Variants in RFX4 observed in about 807,000 individuals in gnomAD.
The protein encoded by RFX4 is regulatory factor X4, also known as transcription factor RFX4.
In RFX4, 10 loss-of-function variants were observed where a neutral mutation model predicts 95.0. The observed-to-expected ratio is 0.11, with a 90% CI of 0.06 to 0.18. The LOEUF (loss-of-function observed/expected upper bound fraction) is 0.18. RFX4 is among the 10% of genes least tolerant of loss of function. The pLI is 1.00. For synonymous variants in RFX4, 321 were observed against 340.7 expected, an observed-to-expected ratio of 0.94 and a Z score of 0.64; for missense variants, 640 against 922.0, an observed-to-expected ratio of 0.69 and a Z score of 3.96.
chr12:106,752,740 CT>C (rs2043033069), intron 17 of RFX4, among the ~76,000 whole-genome samples: 1 of 152,168 alleles, frequency 6.6e-6, no homozygotes, highest in Non-Finnish European at 1.5e-5. Context: ...CTCTCAGGCC[CT>C]ACATCTCCTT....
chr12:106,654,393 A>C, intron 4 of RFX4, 42 bp downstream of exon 4: 1 of 1,579,702 alleles, frequency 6.3e-7, no homozygotes, highest in Admixed American at 1.9e-5. Context: ...TACCACCCCA[A>C]CTTTAAGTAA....
At chr12:106,698,647 T>C (rs137985255) in intron 8 of RFX4, among the ~76,000 whole-genome samples, 2 of 152,238 alleles carry the variant, frequency 1.3e-5, no homozygotes, top group East Asian at 1.9e-4. Context: ...CTTATTTAGA[T>C]ATCAGAGGAA....
At chr12:106,641,985 ATAT>A (rs2137286993) in intron 3 of RFX4, among the ~76,000 whole-genome samples, 2 of 142,504 alleles carry the variant, frequency 1.4e-5, no homozygotes, top group South Asian at 4.4e-4. Context: ...ATCTATATCT[ATAT>A]CTATATCTAT....
intron 15 of RFX4, among the ~76,000 whole-genome samples, chr12:106,739,805 G>T (rs1283027915): frequency 6.6e-6 from 1 of 152,138 alleles, no homozygotes; most frequent in Admixed American, 6.5e-5. Context: ...TTGTAGGCTT[G>T]CTACGCTCCC....
intron 1 of RFX4, among the ~76,000 whole-genome samples, chr12:106,587,714 G>C (rs920646609): frequency 6.6e-6 from 1 of 152,220 alleles, no homozygotes; most frequent in South Asian, 2.1e-4. Context: ...CAACGTGAAA[G>C]GTTCTGGCTT....
chr12:106,660,567 T>C (rs1432635152), intron 4 of RFX4, among the ~76,000 whole-genome samples: 1 of 152,100 alleles, frequency 6.6e-6, no homozygotes, highest in African/African-American at 2.4e-5. Context: ...AAAGAACAAC[T>C]GAGCCTCAGA....
chr12:106,696,126 G>A (rs977766521), intron 7 of RFX4, among the ~76,000 whole-genome samples, 157 bp from the exon 8 acceptor site: 3 of 152,214 alleles, frequency 2.0e-5, no homozygotes, highest in African/African-American at 7.2e-5. Context: ...GAAACTCCCA[G>A]GGCCTCCTAC....
intron 4 of RFX4, among the ~76,000 whole-genome samples, chr12:106,658,207 TTC>T (rs1276320009): frequency 1.3e-5 from 2 of 152,204 alleles, no homozygotes; most frequent in Non-Finnish European, 2.9e-5. Flanking sequence ...TCGTTTAACC[TTC>T]ATGATAATAA....
rs764928468 is a variant in RFX4 at position 106,715,444 on chromosome 12, G to A, written c.1038G>A (p.Met346Ile). ...VIHSADITFQ[M>I]LEDWRNVDLN... The stretch of plus-strand genomic sequence containing the variant: ...ACAGTGCAGACATCACGTTCCAAAT[G>A]CTGGAAGACTGGAGGAACGTGGACC... The change falls in exon 11 of 18, where the codon ATG becomes ATA. Residue 346 changes from methionine to isoleucine, a missense_variant. By Grantham distance (10) the Met-to-Ile change is conservative. Around this residue, in one of 7 missense-constraint regions of RFX4, gnomAD observed 96 missense variants for 183.7 expected, o/e 0.52. Coordinates refer to ENST00000392842, the MANE Select transcript of RFX4 (RefSeq NM_213594.3). 3 of 1,614,060 alleles carry A rather than the reference G, an allele frequency of 1.9e-6. No individual in the cohort carries two copies. Among genetic ancestry groups the A allele is most frequent in the African/African-American group, 1.3e-5 (1 of 74,926 alleles).
chr12:106,690,685 C>G (rs565428432), intron 7 of RFX4, among the ~76,000 whole-genome samples: 1 of 152,170 alleles, frequency 6.6e-6, no homozygotes, highest in South Asian at 2.1e-4. Flanking sequence ...GGAAGGCATA[C>G]CCCCTACTTA....
At chr12:106,638,466 T>C (rs1031885337) in intron 2 of RFX4, among the ~76,000 whole-genome samples, 5 of 151,598 alleles carry the variant, frequency 3.3e-5, no homozygotes, top group African/African-American at 7.3e-5. Context: ...CCCTGCTCCA[T>C]TGCATTGCTA....
chr12:106,685,025 A>C (rs2041612419), intron 5 of RFX4: 3 of 1,535,404 alleles, frequency 2.0e-6, no homozygotes, highest in African/African-American at 2.7e-5. Flanking sequence ...TGATTTTGTG[A>C]CTTTCATTGT....
chr12:106,716,825 C>T (rs1426352401), intron 11 of RFX4, among the ~76,000 whole-genome samples: 1 of 152,018 alleles, frequency 6.6e-6, no homozygotes, highest in African/African-American at 2.4e-5. Context: ...GGAAGACACT[C>T]TTATCACCCC....
intron 13 of RFX4, among the ~76,000 whole-genome samples, chr12:106,731,528 C>T (rs1213800334): frequency 1.3e-5 from 2 of 152,126 alleles, no homozygotes; most frequent in Non-Finnish European, 2.9e-5. Flanking sequence ...CTTGAAAAGA[C>T]CAACTATTTT....
chr12:106,693,850 A>G (rs1444131597), intron 7 of RFX4, among the ~76,000 whole-genome samples: 1 of 152,228 alleles, frequency 6.6e-6, no homozygotes, highest in Non-Finnish European at 1.5e-5. Flanking sequence ...CAGTAGTGGT[A>G]GTGCCTCCAT....
At chr12:106,598,448 A>G (rs908536800) in intron 1 of RFX4, among the ~76,000 whole-genome samples, 1 of 152,034 alleles carries the variant, frequency 6.6e-6, no homozygotes, top group African/African-American at 2.4e-5. Flanking sequence ...ACTTATAGAT[A>G]TGAGACTTGC....
At chr12:106,684,863 T>G in intron 5 of RFX4, 1 of 1,598,116 alleles carries the variant, frequency 6.3e-7, no homozygotes, top group South Asian at 1.1e-5. Flanking sequence ...CCAGAAGGCA[T>G]TCAGATAGAT....
intron 13 of RFX4, among the ~76,000 whole-genome samples, chr12:106,727,915 G>A (rs1002270788): frequency 2.6e-5 from 4 of 152,196 alleles, no homozygotes; most frequent in African/African-American, 9.6e-5. Context: ...CACCGCGCCC[G>A]GCCCTGAATT....
chr12:106,654,380 C>T, intron 4 of RFX4, 29 bp downstream of exon 4: 3 of 1,593,098 alleles, frequency 1.9e-6, no homozygotes, highest in Non-Finnish European at 2.6e-6. Context: ...GGCTTGTCCT[C>T]CCTACCACCC....
Sources: gnomAD v4.1 joint callset for allele counts (sites outside exome capture counted in the v4.1 genomes callset) on GRCh38, gnomAD v4.1.1 for gene constraint, gnomAD v4.1.1 regional missense constraint, MANE v1.5 for transcripts, NCBI Gene and HGNC (gene_info 2026-07-23, HGNC 2026-07-21) for gene names.